The following ASZ1 variants were observed in gnomAD, a reference collection of about 807,000 sequenced individuals.
ASZ1 encodes ankyrin repeat, SAM and basic leucine zipper domain containing 1, also known as ankyrin repeat, SAM and basic leucine zipper domain-containing protein 1.
Under a neutral mutation model 61.8 loss-of-function variants are expected in ASZ1, and 67 were observed. The ratio of observed to expected loss-of-function variants is 1.08; its 90% confidence interval spans 0.89 to 1.33. The LOEUF is 1.33. Ranked by LOEUF, ASZ1 falls within the 40% of genes most tolerant of loss-of-function variation. ASZ1 has a pLI of 0.00. For synonymous variants in ASZ1, 193 were observed against 192.7 expected, an observed-to-expected ratio of 1.00 and a Z score of -0.01; for missense variants, 577 against 554.5, an observed-to-expected ratio of 1.04 and a Z score of -0.41.
chr7:117,427,023 C>A, intron 1 of ASZ1, 88 bp from the exon 2 acceptor site: 1 of 1,327,220 alleles, frequency 7.5e-7, no homozygotes, highest in Non-Finnish European at 1.0e-6. Flanking sequence ...GTTAAGTACA[C>A]AGGTTTTTTT....
intron 8 of ASZ1, 149 bp downstream of exon 8, chr7:117,381,920 C>A (rs1274511611): frequency 1.7e-6 from 1 of 588,930 alleles, no homozygotes; most frequent in Non-Finnish European, 3.0e-6. Context: ...ATGTTTTTCA[C>A]AAATTTAAAA....
At chr7:117,378,612 GTTGGGC>G (rs1796182189) in intron 10 of ASZ1, among the ~76,000 whole-genome samples, 1 of 152,076 alleles carries the variant, frequency 6.6e-6, no homozygotes, top group African/African-American at 2.4e-5. Flanking sequence ...CTGGAAAACA[GTTGGGC>G]AGTTTTAAAA....
intron 4 of ASZ1, among the ~76,000 whole-genome samples, chr7:117,386,721 A>G (rs185018552): frequency 6.6e-6 from 1 of 152,286 alleles, no homozygotes; most frequent in Non-Finnish European, 1.5e-5. Flanking sequence ...TACATATACA[A>G]CCTACCAATA....
At chr7:117,381,670 T>C (rs1796256890) in intron 8 of ASZ1, among the ~76,000 whole-genome samples, 1 of 152,120 alleles carries the variant, frequency 6.6e-6, no homozygotes, top group African/African-American at 2.4e-5. Context: ...TAGGTATTAT[T>C]ATCCTTATGA....
chr7:117,370,804 TTGTGTGTGTGTGTGTGTGTGTGTGTG>T (rs3138784), intron 10 of ASZ1, among the ~76,000 whole-genome samples: 2 of 133,228 alleles, frequency 1.5e-5, no homozygotes, highest in African/African-American at 5.7e-5. Flanking sequence ...CCAAAGGTAA[TTGTGTGTGTGTGTGTGTGTGTGTGTG>T]TGTGTGTGTG....
chr7:117,384,023 G>A (rs979505242), intron 6 of ASZ1, among the ~76,000 whole-genome samples: 17 of 151,954 alleles, frequency 1.1e-4, no homozygotes, highest in African/African-American at 3.4e-4. Context: ...ATTACATGAC[G>A]GAATCTTTGG....
chr7:117,426,785 T>C (rs1797225359), intron 2 of ASZ1, 51 bp downstream of exon 2: 1 of 1,460,368 alleles, frequency 6.8e-7, no homozygotes, highest in Non-Finnish European at 9.3e-7. Context: ...TAAAGAATCC[T>C]TGCGAACTTA....
intron 6 of ASZ1, 31 bp downstream of exon 6, chr7:117,384,695 G>A: frequency 5.1e-6 from 8 of 1,578,942 alleles, no homozygotes; most frequent in Non-Finnish European, 6.9e-6. Context: ...ATATGCCACA[G>A]AAAATAAGTT....
At chr7:117,383,617 T>C (rs1446817731) in intron 6 of ASZ1, among the ~76,000 whole-genome samples, 1 of 152,056 alleles carries the variant, frequency 6.6e-6, no homozygotes, top group Middle Eastern at 3.4e-3. Flanking sequence ...CAAAAAGATA[T>C]GGTGAAATTC....
chr7:117,383,158 AACTTAC>A (rs746803029), intron 6 of ASZ1, 48 bp from the exon 7 acceptor site: 7 of 1,436,608 alleles, frequency 4.9e-6, no homozygotes, highest in Non-Finnish European at 6.4e-6. Flanking sequence ...TGCATACTGT[AACTTAC>A]ACTTAAAAGA....
intron 7 of ASZ1, among the ~76,000 whole-genome samples, chr7:117,382,633 A>G (rs983535916): frequency 2.0e-5 from 3 of 152,180 alleles, no homozygotes; most frequent in African/African-American, 4.8e-5. Flanking sequence ...TCTGGGGGGA[A>G]AAGTATATGT....
At chr7:117,412,961 G>A (rs1024600697) in intron 4 of ASZ1, among the ~76,000 whole-genome samples, 3 of 151,674 alleles carry the variant, frequency 2.0e-5, no homozygotes, top group South Asian at 2.1e-4. Flanking sequence ...TTGACTGAAG[G>A]CCACCTTGTT....
chr7:117,425,873 C>T (rs562555575), intron 2 of ASZ1, among the ~76,000 whole-genome samples: 7 of 151,946 alleles, frequency 4.6e-5, no homozygotes, highest in Middle Eastern at 3.4e-3. Context: ...GCTTTTAGTC[C>T]CGGCTACTCC....
intron 4 of ASZ1, among the ~76,000 whole-genome samples, chr7:117,406,702 G>A (rs1000554021): frequency 1.3e-5 from 2 of 151,534 alleles, no homozygotes; most frequent in Admixed American, 6.6e-5. Context: ...GTGGTGAGCC[G>A]AGATTGCGCC....
intron 4 of ASZ1, among the ~76,000 whole-genome samples, chr7:117,408,152 AG>A (rs1463205062): frequency 6.6e-6 from 1 of 152,108 alleles, no homozygotes; most frequent in African/African-American, 2.4e-5. Flanking sequence ...TGTGGAGGTC[AG>A]GGGGTAGTGT....
chr7:117,405,089 A>G (rs1562856743), intron 4 of ASZ1, among the ~76,000 whole-genome samples: 1 of 152,026 alleles, frequency 6.6e-6, no homozygotes. Context: ...GTGGTGGCCA[A>G]TGTACATGCA....
chr7:117,417,352 A>T (rs1397592309), intron 4 of ASZ1, among the ~76,000 whole-genome samples: 1 of 152,206 alleles, frequency 6.6e-6, no homozygotes, highest in Non-Finnish European at 1.5e-5. Context: ...TCAACAAAAA[A>T]GGCTACATCA....
At chr7:117,380,909 CT>C in intron 9 of ASZ1, 101 bp downstream of exon 9, 1 of 1,032,716 alleles carries the variant, frequency 9.7e-7, no homozygotes, top group Non-Finnish European at 1.5e-6. Flanking sequence ...GAAGATCAAT[CT>C]TTTGTCTATA....
At chr7:117,385,253 A>G (rs1416098427) in intron 5 of ASZ1, among the ~76,000 whole-genome samples, 1 of 150,410 alleles carries the variant, frequency 6.6e-6, no homozygotes, top group East Asian at 2.0e-4. Flanking sequence ...CCTCATTTCT[A>G]TTTCTTTTCT....
Sources: allele counts gnomAD v4.1 joint callset (sites outside exome capture counted in the v4.1 genomes callset), GRCh38; gene constraint gnomAD v4.1.1; transcripts MANE v1.5; gene names NCBI Gene and HGNC (gene_info 2026-07-23, HGNC 2026-07-21).